Variants in EPB42 observed in about 807,000 individuals in gnomAD.
The protein encoded by EPB42 is protein 4.2.
Under a neutral mutation model 76.9 loss-of-function variants are expected in EPB42, and 49 were observed. The ratio of observed to expected loss-of-function variants is 0.64; its 90% CI spans 0.51 to 0.81. The LOEUF (loss-of-function observed/expected upper bound fraction) is 0.81. Ranked by LOEUF, EPB42 falls within the 30% of genes least tolerant of loss-of-function variation. EPB42 has a pLI of 0.00. For missense variants in EPB42, 731 were observed against 867.6 expected (o/e 0.84, Z 1.98); for synonymous variants, 310 against 338.4 (o/e 0.92, Z 0.92).
At chr15:43,204,209 T>G (rs1328234022) in intron 10 of EPB42, among the ~76,000 whole-genome samples, 1 of 152,160 alleles carries the variant, frequency 6.6e-6, no homozygotes. Flanking sequence ...GTAAGTCCAC[T>G]CTCTTAATGG....
At chr15:43,200,727 T>G (rs2042112018) in intron 12 of EPB42, among the ~76,000 whole-genome samples, 1 of 152,108 alleles carries the variant, frequency 6.6e-6, no homozygotes, top group Admixed American at 6.5e-5. Flanking sequence ...TTGCAGCCAT[T>G]CTGCAAATCT....
chr15:43,218,800 T>C lies in EPB42; in HGVS notation c.10+2016A>G, dbSNP rs910396212. On this transcript the variant is annotated intron_variant, in intron 1 of 12. Transcript: ENST00000441366. ...TCTGCCTGGTTTCTTGGTTTATCTCTGCCTCTGCCCCTTTTAGGTGGATTC... is the reference window on the plus strand; with the variant it reads ...TCTGCCTGGTTTCTTGGTTTATCTCCGCCTCTGCCCCTTTTAGGTGGATTC... Among the ~76,000 whole-genome samples the C allele has an allele frequency of 2.6e-5, 4 of 152,350 alleles. No homozygotes were observed. The East Asian group carries it at 7.7e-4, about 29-fold the overall frequency.
At chr15:43,220,734 C>A in intron 1 of EPB42, 82 bp downstream of exon 1, 1 of 1,612,700 alleles carries the variant, frequency 6.2e-7, no homozygotes. Context: ...ACCATCCATC[C>A]CACTTCCTTT....
At chr15:43,213,519 C>T (rs1302466995) in intron 3 of EPB42, among the ~76,000 whole-genome samples, 1 of 152,200 alleles carries the variant, frequency 6.6e-6, no homozygotes, top group East Asian at 1.9e-4. Context: ...AGGCAGGACT[C>T]CTGGCACTGG....
intron 3 of EPB42, 22 bp downstream of exon 3, chr15:43,215,073 G>A: frequency 6.2e-7 from 1 of 1,603,756 alleles, no homozygotes; most frequent in Non-Finnish European, 8.5e-7. Context: ...TGCAGCCCAG[G>A]CTGGCCCAGG....
At chr15:43,223,412 T>C (rs1193650487), upstream of EPB42, among the ~76,000 whole-genome samples, 1 of 152,096 alleles carries the variant, frequency 6.6e-6, no homozygotes, top group African/African-American at 2.4e-5. Flanking sequence ...AAGATGCCTA[T>C]AAATCAATAA....
upstream of EPB42, among the ~76,000 whole-genome samples, chr15:43,224,746 G>A (rs1488565855): frequency 6.6e-6 from 1 of 152,154 alleles, no homozygotes; most frequent in East Asian, 1.9e-4. Flanking sequence ...TATATAAAAG[G>A]ATGTGGAACA....
chr15:43,208,162 C>T (rs1017791817), intron 8 of EPB42, 68 bp downstream of exon 8: 105 of 1,423,460 alleles, frequency 7.4e-5, no homozygotes, highest in Non-Finnish European at 9.1e-5. Flanking sequence ...CTGCTGCTCC[C>T]GAGTCCTCTC....
At chr15:43,197,570 A>G in intron 12 of EPB42, 106 bp from the exon 13 acceptor site, 7 of 1,284,900 alleles carry the variant, frequency 5.4e-6, no homozygotes, top group Non-Finnish European at 7.8e-6. Context: ...CCATGCAGAA[A>G]TAAACATCTA....
Position 43,215,880 on chromosome 15 carries a change from C to T in EPB42, c.196+388G>A, listed in dbSNP as rs147635755. ...TAATTTTTTGTATTTTTAGTAGAAA[C>T]GGGGCTTCACCACGTTGGTCAGGCT... On this transcript the variant is annotated intron_variant, in intron 2 of 12. Transcript: ENST00000441366. Among the ~76,000 whole-genome samples the T allele has an allele frequency of 4.6e-3, 700 of 152,224 alleles. 4 individuals carry two copies. The highest frequency in any genetic ancestry group is 0.013 in the South Asian group (65 of 4,822).
chr15:43,211,570 G>A, intron 3 of EPB42, 36 bp from the exon 4 acceptor site: 2 of 1,368,264 alleles, frequency 1.5e-6, no homozygotes, highest in South Asian at 1.2e-5. Flanking sequence ...GGCCTGTGGG[G>A]GTCCTAGGTC....
chr15:43,197,552 G>A (rs1174070215), intron 12 of EPB42, 88 bp from the exon 13 acceptor site: 2 of 1,467,886 alleles, frequency 1.4e-6, no homozygotes, highest in Non-Finnish European at 1.9e-6. Flanking sequence ...CTTGCTTGAA[G>A]AGGTGGACCA....
intron 2 of EPB42, 79 bp downstream of exon 2, chr15:43,216,189 G>T (rs1030555996): frequency 7.1e-6 from 11 of 1,559,590 alleles, no homozygotes; most frequent in Non-Finnish European, 9.6e-6. Context: ...TTTGTCCCTT[G>T]ATTCCCTAAC....
chr15:43,211,427 C>G lies in EPB42; in HGVS notation c.538G>C (p.Asp180His). 1 of 1,610,408 alleles carries G rather than the reference C, an allele frequency of 6.2e-7. No homozygotes were observed. The highest frequency in any genetic ancestry group is 1.1e-5 in the South Asian group (1 of 91,022). ...TADCIQAESW[D>H]FGQFEGDVID... is the part of the protein sequence containing the mutation. ...GAGGGCCCTGGTACCTGGCCAAAGT[C>G]CCAGGACTCTGCCTGGATGCAGTCA... The change falls in exon 4 of 13, where the codon GAC becomes CAC. Residue 180 changes from aspartate to histidine, a missense_variant. Physicochemically the swap from Asp to His is moderately conservative, Grantham distance 81. Coordinates refer to ENST00000441366, the MANE Select transcript of EPB42 (RefSeq NM_001114134.2).
At chr15:43,219,328 T>G (rs182199249) in intron 1 of EPB42, among the ~76,000 whole-genome samples, 5 of 152,230 alleles carry the variant, frequency 3.3e-5, no homozygotes, top group Admixed American at 2.6e-4. Context: ...TTATCTTTCT[T>G]TTTAATATAA....
In EPB42 at chr15:43,208,771, C is replaced by A. The variant is rs1235552190; in HGVS notation, c.837G>T (p.Leu279=). ...CGCGGGCAGGGATTCCCAGGCATCG[C>A]AGCACTGTGAGAAGAGGGGCGGAGT... is the stretch of plus-strand genomic sequence containing the variant. ...WVLAAVACTV[L]RCLGIPARVV... is the part of the protein sequence containing the mutation. The change falls in exon 7 of 13, where the codon CTG becomes CTT. Residue 279 remains leucine, a synonymous_variant. Coordinates refer to ENST00000441366, the MANE Select transcript of EPB42 (RefSeq NM_001114134.2). 2 of 1,613,892 alleles carry A rather than the reference C, an allele frequency of 1.2e-6. No individual in the cohort carries two copies. The highest frequency in any genetic ancestry group is 2.7e-5 in the African/African-American group (2 of 74,934).
intron 3 of EPB42, among the ~76,000 whole-genome samples, chr15:43,212,054 G>A (rs1187808624): frequency 2.6e-5 from 4 of 151,704 alleles, no homozygotes; most frequent in African/African-American, 9.7e-5. Flanking sequence ...GTGACAGAGT[G>A]AGAGACTTTC....
intron 1 of EPB42, 26 bp downstream of exon 1, chr15:43,220,790 C>G: frequency 6.2e-7 from 1 of 1,613,118 alleles, no homozygotes. Context: ...GTCCAGCAAG[C>G]CCTGTCGAGC....
In EPB42 at chr15:43,207,273, C is replaced by G. The variant is rs753161252; in HGVS notation, c.1244G>C (p.Gly415Ala). 1 of 1,614,122 alleles carries G rather than the reference C, an allele frequency of 6.2e-7. No individual in the cohort carries two copies. The highest frequency in any genetic ancestry group is 8.5e-7 in the Non-Finnish European group (1 of 1,180,014). Residue 415 changes from glycine to alanine, a missense_variant, in exon 9 of 13, where the codon GGC becomes GCC. Transcript: ENST00000441366. The stretch of plus-strand genomic sequence containing the variant: ...CACACCCTTGGTGCTGATGTTGTTG[C>G]CAACATACTTTGTGTTGGAGTCAGT... ...ELTDSNTKYV[G>A]NNISTKGVGS...
Sources: allele counts gnomAD v4.1 joint callset (sites outside exome capture counted in the v4.1 genomes callset), GRCh38; gene constraint gnomAD v4.1.1; transcripts MANE v1.5; gene names NCBI Gene and HGNC (gene_info 2026-07-23, HGNC 2026-07-21).